Variants in THNSL2 observed in about 807,000 individuals in gnomAD.
The protein encoded by THNSL2 is threonine synthase like 2.
In THNSL2, 34 loss-of-function variants were observed where a neutral mutation model predicts 40.0. That is an observed-to-expected ratio of 0.85 (90% CI 0.65 to 1.13). The LOEUF is 1.13. Among genes scored for constraint, THNSL2 ranks in the 50% most tolerant of loss-of-function variants. THNSL2 has a pLI of 0.00. For missense variants in THNSL2, 537 were observed against 608.8 expected (o/e 0.88, Z 1.24); for synonymous variants, 241 against 247.5 (o/e 0.97, Z 0.25).
intron 8 of THNSL2, chr2:88,185,697 C>T: frequency 6.4e-7 from 1 of 1,551,336 alleles, no homozygotes; most frequent in Non-Finnish European, 8.7e-7. Flanking sequence ...GCTGAGCTGG[C>T]CTCCAACCAG....
chr2:88,174,718 G>T lies in THNSL2; in HGVS notation c.303G>T (p.Val101=), dbSNP rs199609866. 1 of 1,614,220 alleles carries T rather than the reference G, an allele frequency of 6.2e-7. No individual in the cohort carries two copies. ...HLSRLRNGLN[V]LELWHGVTYA... ...CCAGGTTGAGGAATGGGCTGAACGT[G>T]TTGGAGCTGTGGCATGGCGTCACAT... The change falls in exon 3 of 9, where the codon GTG becomes GTT. Residue 101 remains valine, a synonymous_variant. Coordinates refer to ENST00000674334, the MANE Select transcript of THNSL2 (RefSeq NM_018271.5).
In THNSL2 at chr2:88,178,783, T is replaced by C. The variant is rs759987198; in HGVS notation, c.572T>C (p.Val191Ala). The C allele has an allele frequency of 6.2e-7, 1 of 1,613,964 alleles. No homozygotes were observed. Among genetic ancestry groups the C allele is most frequent in the South Asian group, 1.1e-5 (1 of 91,070 alleles). Residue 191 changes from valine (V) to alanine (A), a missense_variant and splice_region_variant, in exon 5 of 9, where the codon GTG (valine) becomes GCG (alanine). By Grantham distance (64) the Val-to-Ala change is moderately conservative. Transcript: ENST00000674334. ...TGCCCTCTTCTCTCCCCCCTGGCAG[T>C]GGAGGGAAACAGCGATGAGCTCGAT... ...VLKQNVHVFG[V>A]EGNSDELDEP... is the part of the protein sequence containing the mutation.
rs986396702 is a variant in THNSL2 at position 88,173,006 on chromosome 2, C to T, written c.-12-133C>T. The T allele has an allele frequency of 1.4e-5, 7 of 499,734 alleles. No individual in the cohort carries two copies. The Admixed American group carries it at 1.7e-4, about 12-fold the overall frequency. The allele number at this position is 499,734 out of a possible 1,614,324, so 31.0% of individuals were successfully genotyped here. A position where few individuals can be genotyped will look rare whatever the true frequency, so the allele number is the denominator to read the frequency against. ...ATGAGACTTGATACAGGACTGCCAT[C>T]TCTAGGTCTGGGACATGTGCCCCGG... On this transcript the variant is annotated intron_variant, in intron 1 of 8. Coordinates refer to ENST00000674334, the MANE Select transcript of THNSL2 (RefSeq NM_018271.5).
Position 88,175,415 on chromosome 2 carries a change from C to G in THNSL2, c.571+14C>G, listed in dbSNP as rs1486843671. 1.2e-6 allele frequency: 2 copies of G among 1,613,766 alleles called. No individual in the cohort carries two copies. The highest frequency in any genetic ancestry group is 3.4e-4 in the Middle Eastern group (2 of 5,922). ...ATGTGTTTGGAGGTGTGTGCTGAGG[C>G]AGAGGCTCTAGGGACAGTGCAGCCC... On this transcript the variant is annotated intron_variant, in intron 4 of 8. Transcript: ENST00000674334.
At chr2:88,174,556 G>A in intron 2 of THNSL2, 83 bp from the exon 3 acceptor site, 3 of 1,452,040 alleles carry the variant, frequency 2.1e-6, no homozygotes, top group Admixed American at 4.3e-5. Context: ...GCAGGAGTTG[G>A]AAACTTTATA....
At chr2:88,183,971 A>G (rs2104276163) in intron 7 of THNSL2, among the ~76,000 whole-genome samples, 1 of 152,312 alleles carries the variant, frequency 6.6e-6, no homozygotes, top group African/African-American at 2.4e-5. Context: ...GTCTGATTCT[A>G]CATCCGAGTG....
chr2:88,170,801 C>A (rs1676283377), intron 1 of THNSL2, among the ~76,000 whole-genome samples: 1 of 152,038 alleles, frequency 6.6e-6, no homozygotes, highest in Non-Finnish European at 1.5e-5. Flanking sequence ...GCACCGGTAG[C>A]CTCAGAGAGC....
intron 1 of THNSL2, among the ~76,000 whole-genome samples, chr2:88,171,039 G>A (rs753920714): frequency 1.3e-5 from 2 of 152,142 alleles, no homozygotes; most frequent in African/African-American, 2.4e-5. Context: ...CAGAGGAGTG[G>A]CAAGGGAAAA....
At chr2:88,175,446 T>G (rs758394319) in intron 4 of THNSL2, 45 bp downstream of exon 4, 2 of 1,598,280 alleles carry the variant, frequency 1.3e-6, no homozygotes, top group Non-Finnish European at 1.7e-6. Flanking sequence ...AGCCCTGCCT[T>G]AATTGGGTTT....
rs1283701706 is a variant in THNSL2 at position 88,174,836 on chromosome 2, G to A, written c.418+3G>A. On this transcript the variant is annotated splice_donor_region_variant and intron_variant, in intron 3 of 8. Coordinates refer to ENST00000674334, the MANE Select transcript of THNSL2 (RefSeq NM_018271.5). ...GAAGCACGTCACTGTGGTTGTAGGT[G>A]TGTTTTTGGGGCACAAACGCAGAAT... The A allele has an allele frequency of 6.2e-7, 1 of 1,613,560 alleles. No individual in the cohort carries two copies. The highest frequency in any genetic ancestry group is 8.5e-7 in the Non-Finnish European group (1 of 1,179,522).
chr2:88,171,169 T>G lies in THNSL2; in HGVS notation c.-13+713T>G, dbSNP rs932098821. On this transcript the variant is annotated intron_variant, in intron 1 of 8. Coordinates refer to ENST00000674334, the MANE Select transcript of THNSL2 (RefSeq NM_018271.5). ...TCTTCCTCAACTTCACCACCTCCTG[T>G]GGTTGCTATTTCCGCCTCTGGCTTA... The G allele has an allele frequency of 6.1e-5, 25 of 409,432 alleles. 1 individual carries two copies. In the Middle Eastern group the frequency reaches 1.0e-3, roughly 17 times the overall value. 25.4% of individuals were successfully genotyped at this position (409,432 alleles called of 1,614,324 possible). A position where few individuals can be genotyped will look rare whatever the true frequency, so the allele number is the denominator to read the frequency against.
At chr2:88,174,867 A>T (rs1386590982) in intron 3 of THNSL2, 34 bp downstream of exon 3, 1 of 1,606,582 alleles carries the variant, frequency 6.2e-7, no homozygotes, top group East Asian at 2.2e-5. Context: ...AGAATACCTG[A>T]GTGCTGTGAC....
In THNSL2 at chr2:88,185,716, G is replaced by A. The variant is rs771164802; in HGVS notation, c.1230-182G>A. 62 of 1,551,192 alleles carry A rather than the reference G, an allele frequency of 4.0e-5. 1 individual carries two copies. The South Asian group carries it at 6.9e-4, about 17-fold the overall frequency. On this transcript the variant is annotated intron_variant, in intron 8 of 8. Coordinates refer to ENST00000674334, the MANE Select transcript of THNSL2 (RefSeq NM_018271.5). ...AGCTGGCCTCCAACCAGGAGGAGCA[G>A]TTTGCCAGGTAGCGTCATTGTAGCA...
At chr2:88,183,243 G>T in intron 7 of THNSL2, 170 bp downstream of exon 7, 1 of 885,312 alleles carries the variant, frequency 1.1e-6, no homozygotes, top group Non-Finnish European at 1.6e-6. Flanking sequence ...ATGAGGAGAG[G>T]TAATAGAGAA....
chr2:88,172,622 G>A (rs56033561), intron 1 of THNSL2: 29,557 of 152,076 alleles, frequency 0.19, 3,117 homozygotes, highest in Middle Eastern at 0.27. Context: ...TTTTTTTAAC[G>A]CTCTGAGGTT....
chr2:88,181,117 TCTCTC>T (rs2104233881), intron 5 of THNSL2, among the ~76,000 whole-genome samples: 1 of 28,830 alleles, frequency 3.5e-5, no homozygotes, highest in Non-Finnish European at 5.8e-5. Flanking sequence ...CTCTCCTCTC[TCTCTC>T]CTCTCTCTCC....
chr2:88,180,571 C>CAA (rs750048685), intron 5 of THNSL2, among the ~76,000 whole-genome samples: 19 of 93,724 alleles, frequency 2.0e-4, no homozygotes, highest in Admixed American at 6.8e-4. Context: ...GACTCAGTCT[C>CAA]AAAAAAAAAA....
intron 1 of THNSL2, chr2:88,172,833 C>T (rs990603130): frequency 1.8e-5 from 4 of 225,656 alleles, no homozygotes; most frequent in African/African-American, 6.8e-5. Context: ...CTGTCCCCAC[C>T]GCCAGGCCTT....
intron 4 of THNSL2, 37 bp downstream of exon 4, chr2:88,175,438 C>A (rs754295405): frequency 1.2e-6 from 2 of 1,604,470 alleles, no homozygotes; most frequent in Non-Finnish European, 8.5e-7. Flanking sequence ...GACAGTGCAG[C>A]CCTGCCTTAA....
Sources: allele counts gnomAD v4.1 joint callset (sites outside exome capture counted in the v4.1 genomes callset), GRCh38; gene constraint gnomAD v4.1.1; transcripts MANE v1.5; gene names NCBI Gene and HGNC (gene_info 2026-07-23, HGNC 2026-07-21).